NEK7: variants seen among roughly 807,000 people sequenced by gnomAD.
NEK7 encodes the protein NIMA related kinase 7.
NEK7 carries 18 observed loss-of-function variants against 44.6 expected under a neutral mutation model. That is an observed-to-expected ratio of 0.40 (90% CI 0.28 to 0.60). The LOEUF (loss-of-function observed/expected upper bound fraction) is 0.60, where lower values mean the gene tolerates loss of function less well. NEK7 is among the 20% of genes least tolerant of loss of function. NEK7 has a pLI of 0.38. For missense variants in NEK7, 256 were observed against 366.5 expected (o/e 0.70, Z 2.46); for synonymous variants, 130 against 121.1 (o/e 1.07, Z -0.48).
chr1:198,317,252 G>C (rs1210774047), intron 9 of NEK7, among the ~76,000 whole-genome samples: 1 of 152,166 alleles, frequency 6.6e-6, no homozygotes, highest in African/African-American at 2.4e-5. Flanking sequence ...CAATAAGTGG[G>C]GAAGGAAAAG....
At chr1:198,202,378 T>G (rs1261708030) in intron 1 of NEK7, among the ~76,000 whole-genome samples, 1 of 152,188 alleles carries the variant, frequency 6.6e-6, no homozygotes, top group African/African-American at 2.4e-5. Context: ...CAAAATCCTG[T>G]GTGGAAACTC....
At chr1:198,255,426 G>T (rs998362536) in intron 3 of NEK7, among the ~76,000 whole-genome samples, 1 of 151,980 alleles carries the variant, frequency 6.6e-6, no homozygotes, top group African/African-American at 2.4e-5. Flanking sequence ...TGGAAAACAG[G>T]GCTCAATTCT....
intron 2 of NEK7, among the ~76,000 whole-genome samples, chr1:198,251,392 A>T (rs1037668357): frequency 7.3e-6 from 1 of 137,632 alleles, no homozygotes; most frequent in African/African-American, 2.8e-5. Context: ...TGGCCTCATA[A>T]AATGAGTTAG....
intron 1 of NEK7, among the ~76,000 whole-genome samples, chr1:198,214,197 G>A (rs951002536): frequency 2.6e-5 from 4 of 151,964 alleles, no homozygotes; most frequent in Non-Finnish European, 5.9e-5. Flanking sequence ...AAATAAATAC[G>A]AAAATAATTA....
intron 1 of NEK7, among the ~76,000 whole-genome samples, chr1:198,223,545 C>T (rs1233840780): frequency 1.3e-5 from 2 of 152,136 alleles, no homozygotes; most frequent in Non-Finnish European, 2.9e-5. Flanking sequence ...AGCATTTCTG[C>T]AGTTGTGCAG....
At chr1:198,319,385 G>A in intron 9 of NEK7, 27 bp from the exon 10 acceptor site, 2 of 1,537,868 alleles carry the variant, frequency 1.3e-6, no homozygotes, top group South Asian at 2.3e-5. Flanking sequence ...GTCTTAATCA[G>A]GTTTTATTGT....
At chr1:198,217,117 C>T (rs1158972608) in intron 1 of NEK7, among the ~76,000 whole-genome samples, 1 of 151,976 alleles carries the variant, frequency 6.6e-6, no homozygotes, top group Admixed American at 6.6e-5. Flanking sequence ...GCTAGTGTCA[C>T]CCTGATATCA....
chr1:198,209,127 T>C (rs1377582024), intron 1 of NEK7, among the ~76,000 whole-genome samples: 1 of 143,584 alleles, frequency 7.0e-6, no homozygotes, highest in Non-Finnish European at 1.5e-5. Context: ...TACACATATA[T>C]ACACATATGT....
chr1:198,222,809 A>G (rs561071034), intron 1 of NEK7, among the ~76,000 whole-genome samples: 20 of 152,146 alleles, frequency 1.3e-4, no homozygotes, highest in African/African-American at 4.8e-4. Flanking sequence ...AAAAAAGTAA[A>G]TAATAAGACA....
chr1:198,216,964 C>A (rs1028028634), intron 1 of NEK7, among the ~76,000 whole-genome samples: 31 of 151,814 alleles, frequency 2.0e-4, no homozygotes, highest in Admixed American at 2.0e-3. Context: ...AAACCAAAAA[C>A]AACTGCCAAG....
At chr1:198,252,956 C>G in intron 2 of NEK7, 84 bp from the exon 3 acceptor site, 4 of 1,151,158 alleles carry the variant, frequency 3.5e-6, no homozygotes, top group Non-Finnish European at 5.0e-6. Flanking sequence ...TATGTGTCAC[C>G]TACATATATG....
At chr1:198,227,123 G>T (rs1185148489) in intron 1 of NEK7, among the ~76,000 whole-genome samples, 5 of 152,002 alleles carry the variant, frequency 3.3e-5, no homozygotes, top group African/African-American at 9.7e-5. Flanking sequence ...GCAGTGTTTG[G>T]TTTTTTGTCC....
At chr1:198,314,596 T>A (rs1655291303) in intron 9 of NEK7, among the ~76,000 whole-genome samples, 1 of 152,208 alleles carries the variant, frequency 6.6e-6, no homozygotes, top group Non-Finnish European at 1.5e-5. Context: ...GATGGTGATG[T>A]ACAGGTGGGT....
rs1663917945 is a variant in NEK7 at position 198,157,233 on chromosome 1, A to C, written c.-72A>C. The C allele has an allele frequency of 6.6e-6, 1 of 151,750 alleles. No homozygotes were observed. The highest frequency in any genetic ancestry group is 1.5e-5 in the Non-Finnish European group (1 of 67,940). The allele number at this position is 151,750 out of a possible 1,614,324, so 9.4% of individuals were successfully genotyped here. A position where few individuals can be genotyped will look rare whatever the true frequency, so the allele number is the denominator to read the frequency against. ...GCCGCGCCGAGCCACCCGCCCGCCC[A>C]AGGTCTCTCGCGGGCGGGAGAACGG... On this transcript the variant is annotated 5_prime_UTR_variant, in exon 1 of 10. Transcript: ENST00000367385.
intron 5 of NEK7, among the ~76,000 whole-genome samples, chr1:198,272,884 G>A (rs981091754): frequency 1.3e-5 from 2 of 151,714 alleles, no homozygotes; most frequent in Admixed American, 1.3e-4. Context: ...TTTTGGGGAA[G>A]TTTTGTGACT....
intron 9 of NEK7, among the ~76,000 whole-genome samples, chr1:198,317,661 G>T (rs1489809674): frequency 6.6e-6 from 1 of 152,084 alleles, no homozygotes; most frequent in Non-Finnish European, 1.5e-5. Flanking sequence ...ATTGTTTACT[G>T]CATGCATCTA....
intron 5 of NEK7, among the ~76,000 whole-genome samples, chr1:198,270,859 G>T (rs1234164783): frequency 6.6e-6 from 1 of 152,020 alleles, no homozygotes; most frequent in Non-Finnish European, 1.5e-5. Flanking sequence ...AGGATTAGTG[G>T]GTTCTCTGCT....
Position 198,256,431 on chromosome 1 carries a change from T to G in NEK7, c.198+3251T>G, listed in dbSNP as rs1048595726. The stretch of plus-strand genomic sequence containing the variant: ...GAGAGCCTACAGTATATGGCAACAT[T>G]AACCAATCTTTTTGAAAATTTACCT... On this transcript the variant is annotated intron_variant, in intron 3 of 9. Coordinates refer to ENST00000367385, the MANE Select transcript of NEK7 (RefSeq NM_133494.3). 6 of 1,610,754 alleles carry G rather than the reference T, an allele frequency of 3.7e-6. No individual in the cohort carries two copies. In the African/African-American group the frequency reaches 8.0e-5, roughly 22 times the overall value.
At chr1:198,247,889 C>A (rs530905570) in intron 2 of NEK7, among the ~76,000 whole-genome samples, 4 of 152,228 alleles carry the variant, frequency 2.6e-5, no homozygotes, top group Admixed American at 1.3e-4. Flanking sequence ...CTGCGTAAGT[C>A]TAGGATATGG....
Sources: gnomAD v4.1 joint callset for allele counts (sites outside exome capture counted in the v4.1 genomes callset) on GRCh38, gnomAD v4.1.1 for gene constraint, MANE v1.5 for transcripts, NCBI Gene and HGNC (gene_info 2026-07-23, HGNC 2026-07-21) for gene names.